The following ZNF385D variants were observed in gnomAD, a reference collection of about 807,000 sequenced individuals.
The protein encoded by ZNF385D is zinc finger protein 385D, also known as zinc finger protein 659.
A neutral mutation model predicts 35.8 loss-of-function variants in ZNF385D; 15 were observed. The ratio of observed to expected loss-of-function variants is 0.42; its 90% CI spans 0.28 to 0.64. ZNF385D has a LOEUF of 0.64. Ranked by LOEUF, ZNF385D falls within the 30% of genes least tolerant of loss-of-function variation. ZNF385D has a pLI of 0.23. For synonymous variants in ZNF385D, 212 were observed against 186.8 expected, an observed-to-expected ratio of 1.13 and a Z score of -1.10; for missense variants, 474 against 494.6, an observed-to-expected ratio of 0.96 and a Z score of 0.39.
At chr3:22,331,567 C>A (rs1694938607) in intron 2 of ZNF385D, among the ~76,000 whole-genome samples, 1 of 152,036 alleles carries the variant, frequency 6.6e-6, no homozygotes, top group Admixed American at 6.6e-5. Context: ...AATTATAGTA[C>A]AAAAATTTAG....
chr3:21,684,762 A>G (rs1047410736), intron 1 of ZNF385D, among the ~76,000 whole-genome samples: 2 of 152,112 alleles, frequency 1.3e-5, no homozygotes, highest in Admixed American at 6.6e-5. Context: ...TTTCCAAAGA[A>G]TTTTCCATTT....
intron 3 of ZNF385D, among the ~76,000 whole-genome samples, chr3:21,997,958 T>C (rs76433098): frequency 0.038 from 5,759 of 150,770 alleles, 150 homozygotes; most frequent in Middle Eastern, 0.071. Context: ...AGAAGATCAG[T>C]AAGACTTGTT....
chr3:21,731,669 G>T (rs2069001549), intron 1 of ZNF385D, among the ~76,000 whole-genome samples: 1 of 151,998 alleles, frequency 6.6e-6, no homozygotes, highest in Non-Finnish European at 1.5e-5. Context: ...TTAATCCCTT[G>T]TCCTATAACC....
intron 3 of ZNF385D, among the ~76,000 whole-genome samples, chr3:22,046,823 ATTTAT>A (rs1269074983): frequency 1.3e-5 from 2 of 152,288 alleles, no homozygotes; most frequent in East Asian, 3.9e-4. Context: ...TGGAGAAACA[ATTTAT>A]TTTATATTTG....
At chr3:21,656,784 A>T (rs1442261299) in intron 2 of ZNF385D, among the ~76,000 whole-genome samples, 1 of 151,928 alleles carries the variant, frequency 6.6e-6, no homozygotes, top group Non-Finnish European at 1.5e-5. Flanking sequence ...AGGCTTGCTT[A>T]CCTGTAAAAT....
chr3:21,788,172 GTAGAAA>G (rs1559622481), intron 3 of ZNF385D, among the ~76,000 whole-genome samples: 1 of 152,160 alleles, frequency 6.6e-6, no homozygotes, highest in African/African-American at 2.4e-5. Flanking sequence ...CTTCCATCGA[GTAGAAA>G]TAGAAAGATA....
intron 2 of ZNF385D, among the ~76,000 whole-genome samples, chr3:21,636,378 T>TTATATATATA (rs1183440640): frequency 0.012 from 584 of 47,906 alleles, 30 homozygotes; most frequent in African/African-American, 0.043. Context: ...ATATATATGA[T>TTATATATATA]TATATATATA....
chr3:21,477,573 A>G (rs1039607598), intron 4 of ZNF385D, among the ~76,000 whole-genome samples: 1 of 152,092 alleles, frequency 6.6e-6, no homozygotes, highest in Non-Finnish European at 1.5e-5. Context: ...TAACTGTTAG[A>G]TTTGTCTCCC....
intron 3 of ZNF385D, among the ~76,000 whole-genome samples, chr3:22,118,730 G>C (rs943451292): frequency 6.6e-6 from 1 of 152,004 alleles, no homozygotes. Flanking sequence ...TCCTTGATCT[G>C]ACCTAGCACC....
chr3:22,314,537 G>A (rs1703776911), intron 2 of ZNF385D, among the ~76,000 whole-genome samples: 1 of 151,914 alleles, frequency 6.6e-6, no homozygotes, highest in Non-Finnish European at 1.5e-5. Flanking sequence ...TGGGCATTTG[G>A]GTTAACACAT....
chr3:21,653,300 A>G (rs2065974061), intron 2 of ZNF385D, among the ~76,000 whole-genome samples: 3 of 152,038 alleles, frequency 2.0e-5, no homozygotes, highest in Admixed American at 2.0e-4. Context: ...GTGTATATAT[A>G]TGTCTATATA....
At chr3:21,867,474 A>G (rs1317391665) in intron 3 of ZNF385D, among the ~76,000 whole-genome samples, 3 of 152,136 alleles carry the variant, frequency 2.0e-5, no homozygotes, top group Non-Finnish European at 4.4e-5. Flanking sequence ...TGTATTTCAA[A>G]GCAGGTTCTC....
At chr3:21,592,792 A>C (rs2125738054) in intron 2 of ZNF385D, among the ~76,000 whole-genome samples, 1 of 152,280 alleles carries the variant, frequency 6.6e-6, no homozygotes, top group African/African-American at 2.4e-5. Context: ...GAAAACAGTT[A>C]GAATCTGTCA....
chr3:21,781,278 T>C (rs1003265757), intron 3 of ZNF385D, among the ~76,000 whole-genome samples: 3 of 152,076 alleles, frequency 2.0e-5, no homozygotes, highest in South Asian at 2.1e-4. Context: ...AGAGGATACA[T>C]AGTCAGGAAG....
chr3:21,720,086 C>T (rs893469339), intron 1 of ZNF385D, among the ~76,000 whole-genome samples: 13 of 152,156 alleles, frequency 8.5e-5, no homozygotes, highest in Non-Finnish European at 1.8e-4. Context: ...ATGCCCAGTT[C>T]TCACCTCTAG....
chr3:21,801,015 G>C (rs962994326), intron 3 of ZNF385D, among the ~76,000 whole-genome samples: 7 of 151,994 alleles, frequency 4.6e-5, no homozygotes, highest in Non-Finnish European at 1.0e-4. Flanking sequence ...TATTGAAAAA[G>C]TCTCCTTTTA....
chr3:21,870,591 G>T lies in ZNF385D; in HGVS notation c.326-205563C>A, dbSNP rs182805358. Among the ~76,000 whole-genome samples, 411 of 152,240 alleles carry T rather than the reference G, an allele frequency of 2.7e-3. 2 individuals carry two copies. The highest frequency in any genetic ancestry group is 9.5e-3 in the African/African-American group (396 of 41,558). On this transcript the variant is annotated intron_variant, in intron 3 of 5. Transcript: ENST00000494108. Reference sequence around the variant, plus strand: ...ATTTATGATCAATAAATGTCTTACTGTATGGTATCTTAATTTCTATGGCCC... The same window carrying T: ...ATTTATGATCAATAAATGTCTTACTTTATGGTATCTTAATTTCTATGGCCC...
Position 21,832,504 on chromosome 3 carries a change from T to G in ZNF385D, c.326-167476A>C, listed in dbSNP as rs545099836. Among the ~76,000 whole-genome samples the G allele has an allele frequency of 1.2e-3, 181 of 152,318 alleles. 1 individual carries two copies. The highest frequency in any genetic ancestry group is 1.9e-3 in the Non-Finnish European group (126 of 68,024). The stretch of plus-strand genomic sequence containing the variant: ...AGCAAAGCAGGTGCTTCCTCATGAT[T>G]ACAGAAAGTTGTACTATGGGGAGTT... On this transcript the variant is annotated intron_variant, in intron 3 of 5. Transcript: ENST00000494108.
At chr3:21,726,130 C>T (rs1180428545) in intron 1 of ZNF385D, among the ~76,000 whole-genome samples, 1 of 152,266 alleles carries the variant, frequency 6.6e-6, no homozygotes. Context: ...TTCAACACCC[C>T]TTCATGCTAA....
Sources: allele counts gnomAD v4.1 joint callset (sites outside exome capture counted in the v4.1 genomes callset), GRCh38; gene constraint gnomAD v4.1.1; transcripts MANE v1.5; gene names NCBI Gene and HGNC (gene_info 2026-07-23, HGNC 2026-07-21).